SLC26A7: variants seen among roughly 807,000 people sequenced by gnomAD.
The protein encoded by SLC26A7 is solute carrier family 26 member 7.
In SLC26A7, 59 loss-of-function variants were observed where a neutral mutation model predicts 82.5. That is an observed-to-expected ratio of 0.72 (90% CI 0.58 to 0.89). The LOEUF (loss-of-function observed/expected upper bound fraction) is 0.89. SLC26A7 is among the 40% of genes least tolerant of loss of function. SLC26A7 has a pLI of 0.00. For synonymous variants in SLC26A7, 271 were observed against 274.3 expected, an observed-to-expected ratio of 0.99 and a Z score of 0.12; for missense variants, 820 against 793.0, an observed-to-expected ratio of 1.03 and a Z score of -0.41.
intron 2 of SLC26A7, among the ~76,000 whole-genome samples, chr8:91,265,276 TC>T (rs1161093826): frequency 1.3e-5 from 2 of 152,220 alleles, no homozygotes; most frequent in Middle Eastern, 3.4e-3. Flanking sequence ...GTTTCTTTAT[TC>T]ATTTGTCTGT....
intron 10 of SLC26A7, among the ~76,000 whole-genome samples, chr8:91,352,377 C>A (rs1422471534): frequency 6.6e-6 from 1 of 152,044 alleles, no homozygotes; most frequent in Non-Finnish European, 1.5e-5. Context: ...CTTATGAGAG[C>A]CAGTCTCCAT....
chr8:91,322,289 A>C (rs1034170244), intron 5 of SLC26A7, among the ~76,000 whole-genome samples: 1 of 152,158 alleles, frequency 6.6e-6, no homozygotes. Flanking sequence ...TCAACAGTTC[A>C]ACTCAAATCT....
chr8:91,245,407 T>C, upstream of SLC26A7, among the ~76,000 whole-genome samples: 1 of 152,164 alleles, frequency 6.6e-6, no homozygotes, highest in Non-Finnish European at 1.5e-5. Flanking sequence ...AAAAAAGTAC[T>C]TTGGTAGACT....
chr8:91,255,200 T>C (rs1173435199), intron 2 of SLC26A7, among the ~76,000 whole-genome samples: 2 of 152,178 alleles, frequency 1.3e-5, no homozygotes, highest in Non-Finnish European at 1.5e-5. Context: ...TCCCAAACCA[T>C]GCAACTTTTA....
intron 4 of SLC26A7, among the ~76,000 whole-genome samples, chr8:91,300,503 T>G (rs1440945754): frequency 6.6e-6 from 1 of 151,716 alleles, no homozygotes; most frequent in East Asian, 1.9e-4. Context: ...GTTCACGCCA[T>G]TCTCCTGCCT....
At chr8:91,394,970 A>G in intron 18 of SLC26A7, 92 bp from the exon 19 acceptor site, 1 of 1,408,590 alleles carries the variant, frequency 7.1e-7, no homozygotes, top group Non-Finnish European at 1.0e-6. Context: ...TTAGCTGGAC[A>G]GCTTGCTTCA....
chr8:91,292,659 A>T (rs1488949777), intron 3 of SLC26A7, among the ~76,000 whole-genome samples: 1 of 152,204 alleles, frequency 6.6e-6, no homozygotes, highest in East Asian at 1.9e-4. Flanking sequence ...CAATTCATAA[A>T]ATCAGAGTAT....
intron 2 of SLC26A7, among the ~76,000 whole-genome samples, chr8:91,225,643 GTTT>G (rs55732709): frequency 0.19 from 6,724 of 35,300 alleles, 84 homozygotes; most frequent in Non-Finnish European, 0.22. Context: ...CTAGAAAAGT[GTTT>G]TTTTTTTTTT....
intron 15 of SLC26A7, among the ~76,000 whole-genome samples, chr8:91,387,076 T>C (rs1280219099): frequency 2.6e-5 from 4 of 152,134 alleles, no homozygotes; most frequent in African/African-American, 9.6e-5. Context: ...AATATTTAAT[T>C]GTTAGAGATT....
At chr8:91,274,115 A>AAAC (rs922676521) in intron 2 of SLC26A7, among the ~76,000 whole-genome samples, 13 of 152,332 alleles carry the variant, frequency 8.5e-5, no homozygotes, top group African/African-American at 3.1e-4. Flanking sequence ...TTACTTTGAA[A>AAAC]AACAAATGAG....
intron 3 of SLC26A7, among the ~76,000 whole-genome samples, chr8:91,291,971 A>G (rs889473452): frequency 6.6e-6 from 1 of 152,138 alleles, no homozygotes; most frequent in Non-Finnish European, 1.5e-5. Flanking sequence ...CTTTCCTATT[A>G]GTTTTTTATC....
At chr8:91,394,159 C>T in intron 18 of SLC26A7, 120 bp downstream of exon 18, 2 of 1,601,354 alleles carry the variant, frequency 1.2e-6, no homozygotes, top group Non-Finnish European at 1.7e-6. Flanking sequence ...TAGCCCCCCA[C>T]CCCACCCCAC....
chr8:91,255,700 C>T (rs964877369), intron 2 of SLC26A7, among the ~76,000 whole-genome samples: 9 of 152,040 alleles, frequency 5.9e-5, no homozygotes, highest in African/African-American at 1.9e-4. Context: ...AAGCTTCATT[C>T]GGTACTTTTG....
At position 91,362,335 on chromosome 8, in the gene SLC26A7, T is replaced by C. The variant is rs765807905; in HGVS notation, c.1315-18T>C. ...ATTCCAAAGGATTCACAACTTCTGT[T>C]TCTTGTTTCTCTTTCAGGGAATATG... On this transcript the variant is annotated intron_variant, in intron 11 of 18. Coordinates refer to ENST00000276609, the MANE Select transcript of SLC26A7 (RefSeq NM_052832.4). The C allele has an allele frequency of 7.6e-6, 12 of 1,583,962 alleles. No homozygotes were observed. In the Admixed American group the frequency reaches 2.1e-4, roughly 27 times the overall value.
intron 4 of SLC26A7, among the ~76,000 whole-genome samples, chr8:91,303,566 T>C (rs749951185): frequency 6.6e-6 from 1 of 152,214 alleles, no homozygotes; most frequent in Non-Finnish European, 1.5e-5. Context: ...GTTTGTGTCA[T>C]AAATATATAT....
chr8:91,279,125 G>GTGTGTGTGTA (rs1382744780), intron 2 of SLC26A7, among the ~76,000 whole-genome samples: 13 of 111,288 alleles, frequency 1.2e-4, no homozygotes, highest in African/African-American at 4.6e-4. Context: ...GTGTGTGTGT[G>GTGTGTGTGTA]TATATATATA....
intron 2 of SLC26A7, among the ~76,000 whole-genome samples, chr8:91,236,126 T>C (rs1810389540): frequency 6.6e-6 from 1 of 152,206 alleles, no homozygotes. Flanking sequence ...AACCAAATAT[T>C]TATATCTTAA....
chr8:91,377,328 A>G (rs1017243719), intron 15 of SLC26A7, among the ~76,000 whole-genome samples: 2 of 152,078 alleles, frequency 1.3e-5, no homozygotes, highest in Non-Finnish European at 2.9e-5. Context: ...TACCACATCT[A>G]CGTTTCCTTT....
At chr8:91,246,586 G>C (rs907137804), upstream of SLC26A7, among the ~76,000 whole-genome samples, 11 of 152,048 alleles carry the variant, frequency 7.2e-5, no homozygotes, top group Non-Finnish European at 1.6e-4. Flanking sequence ...TGTAATCCCA[G>C]CTATTCCGGA....
Sources: gnomAD v4.1 joint callset for allele counts (sites outside exome capture counted in the v4.1 genomes callset) on GRCh38, gnomAD v4.1.1 for gene constraint, MANE v1.5 for transcripts, NCBI Gene and HGNC (gene_info 2026-07-23, HGNC 2026-07-21) for gene names.